Variants in KCNA1 observed in about 807,000 individuals in gnomAD.
KCNA1 encodes potassium voltage-gated channel subfamily A member 1.
KCNA1 carries 19 observed loss-of-function variants against 28.8 expected under a neutral mutation model. The ratio of observed to expected loss-of-function variants is 0.66; its 90% confidence interval spans 0.46 to 0.97. KCNA1 has a LOEUF of 0.97. Among genes scored for constraint, KCNA1 ranks in the 50% least tolerant of loss-of-function variants. The pLI is 0.00. For synonymous variants in KCNA1, 311 were observed against 268.8 expected, an observed-to-expected ratio of 1.16 and a Z score of -1.53; for missense variants, 419 against 659.7, an observed-to-expected ratio of 0.64 and a Z score of 4.00.
chr12:4,915,474 T>C lies in KCNA1; in HGVS notation c.*2608T>C, dbSNP rs983460565. On this transcript the variant is annotated 3_prime_UTR_variant, in exon 2 of 2. Coordinates refer to ENST00000382545, the MANE Select transcript of KCNA1 (RefSeq NM_000217.3). ...TAAAAGAAAGAACATGGATATCTTA[T>C]TTTCCTATGTGACTTTTGTGAATCT... is the stretch of plus-strand genomic sequence containing the variant. 6.0e-6 allele frequency: 1 copy of C among 167,096 alleles called. No homozygotes were observed. The highest frequency in any genetic ancestry group is 1.5e-5 in the Non-Finnish European group (1 of 68,128). 10.4% of individuals were successfully genotyped at this position (167,096 alleles called of 1,614,324 possible). A position where few individuals can be genotyped will look rare whatever the true frequency, so the allele number is the denominator to read the frequency against.
rs2137676349 is a variant in KCNA1 at position 4,915,104 on chromosome 12, G to T, written c.*2238G>T. On this transcript the variant is annotated 3_prime_UTR_variant, in exon 2 of 2. Transcript: ENST00000382545. ...GCCCCTATGATCTTCCCACCTGGCAGTCACTTCACAGGTTGAACATCTAAC... is the reference window on the plus strand; with the variant it reads ...GCCCCTATGATCTTCCCACCTGGCATTCACTTCACAGGTTGAACATCTAAC... 6.0e-6 allele frequency: 1 copy of T among 167,098 alleles called. No individual in the cohort carries two copies. Among genetic ancestry groups the T allele is most frequent in the East Asian group, 1.9e-4 (1 of 5,158 alleles). The allele number at this position is 167,098 out of a possible 1,614,324, so 10.4% of individuals were successfully genotyped here.
rs1457551133 is a variant in KCNA1 at position 4,915,020 on chromosome 12, T to C, written c.*2154T>C. The C allele has an allele frequency of 6.0e-6, 1 of 167,178 alleles. No individual in the cohort carries two copies. The highest frequency in any genetic ancestry group is 2.4e-5 in the African/African-American group (1 of 41,436). The allele number at this position is 167,178 out of a possible 1,614,324, so 10.4% of individuals were successfully genotyped here. A position where few individuals can be genotyped will look rare whatever the true frequency, so the allele number is the denominator to read the frequency against. ...TGTTGTGGATGTGGGAACACTCAGTTCATAATAACCTTTCCTAGGCCTTCC... is the reference window on the plus strand; with the variant it reads ...TGTTGTGGATGTGGGAACACTCAGTCCATAATAACCTTTCCTAGGCCTTCC... On this transcript the variant is annotated 3_prime_UTR_variant, in exon 2 of 2. Transcript: ENST00000382545.
At position 4,916,594 on chromosome 12, in the gene KCNA1, T is replaced by C. The variant is rs1477699046; in HGVS notation, c.*3728T>C. ...TCTGATTTTCAGTTATATCAGCTCA[T>C]TGGGAGTGTGTTCGTGGGTGAGCCT... On this transcript the variant is annotated 3_prime_UTR_variant, in exon 2 of 2. Transcript: ENST00000382545. The C allele has an allele frequency of 6.0e-6, 1 of 167,088 alleles. No homozygotes were observed. The highest frequency in any genetic ancestry group is 1.5e-5 in the Non-Finnish European group (1 of 68,106). 10.4% of individuals were successfully genotyped at this position (167,088 alleles called of 1,614,324 possible). A position where few individuals can be genotyped will look rare whatever the true frequency, so the allele number is the denominator to read the frequency against.
At position 4,911,814 on chromosome 12, in the gene KCNA1, GAGA is replaced by G; in HGVS notation, c.439_441del (p.Lys147del). ...CAAGGAGGAGGAGCGCCCTCTGCCCGAGAAGGAGTACCAGCGCCAGGTGTGGCT... is the reference window on the plus strand; with the variant it reads ...CAAGGAGGAGGAGCGCCCTCTGCCCGAGGAGTACCAGCGCCAGGTGTGGCT... On this transcript the variant is annotated inframe_deletion, in exon 2 of 2. Transcript: ENST00000382545. The surrounding 1 kb of genome is among the most constrained non-coding windows in gnomAD (Gnocchi z 6.6). 6.2e-7 allele frequency: 1 copy of G among 1,613,958 alleles called. No homozygotes were observed.
rs992453347 is a variant in KCNA1, at chr12:4,915,043, T to C, written c.*2177T>C. 3 of 167,146 alleles carry C rather than the reference T, an allele frequency of 1.8e-5. No individual in the cohort carries two copies. The highest frequency in any genetic ancestry group is 4.8e-5 in the African/African-American group (2 of 41,430). 10.4% of individuals were successfully genotyped at this position (167,146 alleles called of 1,614,324 possible). A position where few individuals can be genotyped will look rare whatever the true frequency, so the allele number is the denominator to read the frequency against. ...GTTCATAATAACCTTTCCTAGGCCT[T>C]CCCTCCTGGTCTACCCCTTTCAGAT... On this transcript the variant is annotated 3_prime_UTR_variant, in exon 2 of 2. Transcript: ENST00000382545.
At position 4,911,632 on chromosome 12, in the gene KCNA1, A is replaced by C. The variant is rs1386750335; in HGVS notation, c.254A>C (p.Asn85Thr). The change falls in exon 2 of 2, where the codon AAC becomes ACC. Residue 85 changes from asparagine to threonine, a missense_variant. Coordinates refer to ENST00000382545, the MANE Select transcript of KCNA1 (RefSeq NM_000217.3). This position sits in a 1 kb window ranked among gnomAD's most constrained non-coding sequence, Gnocchi z 6.6. ...PLRNEYFFDR[N>T]RPSFDAILYY... ...AGGAACGAGTACTTCTTCGACCGCA[A>C]CCGGCCCAGCTTCGACGCCATCCTC... 6.2e-7 allele frequency: 1 copy of C among 1,614,084 alleles called. No homozygotes were observed. The highest frequency in any genetic ancestry group is 8.5e-7 in the Non-Finnish European group (1 of 1,180,014).
rs894238941 is a variant in KCNA1, at chr12:4,912,540, G to A, written c.1162G>A (p.Val388Met). The A allele has an allele frequency of 6.2e-7, 1 of 1,613,646 alleles. No individual in the cohort carries two copies. The highest frequency in any genetic ancestry group is 8.5e-7 in the Non-Finnish European group (1 of 1,179,952). The change falls in exon 2 of 2, where the codon GTG (valine) becomes ATG (methionine). Residue 388 changes from valine (V) to methionine (M), a missense_variant. Transcript: ENST00000382545. Reference sequence around the variant, plus strand: ...CCCTGTGACAATTGGAGGCAAGATCGTGGGCTCCTTGTGTGCCATCGCTGG... The same window carrying A: ...CCCTGTGACAATTGGAGGCAAGATCATGGGCTCCTTGTGTGCCATCGCTGG... The part of the protein sequence containing the change: ...MYPVTIGGKI[V>M]GSLCAIAGVL...
rs1351192771 is a variant in KCNA1, at chr12:4,915,009, G to C, written c.*2143G>C. On this transcript the variant is annotated 3_prime_UTR_variant, in exon 2 of 2. Coordinates refer to ENST00000382545, the MANE Select transcript of KCNA1 (RefSeq NM_000217.3). Reference sequence around the variant, plus strand: ...TTTTCAGGCATTGTTGTGGATGTGGGAACACTCAGTTCATAATAACCTTTC... The same window carrying C: ...TTTTCAGGCATTGTTGTGGATGTGGCAACACTCAGTTCATAATAACCTTTC... The C allele has an allele frequency of 6.0e-6, 1 of 167,118 alleles. No individual in the cohort carries two copies. The highest frequency in any genetic ancestry group is 2.4e-5 in the African/African-American group (1 of 41,408). 10.4% of individuals were successfully genotyped at this position (167,118 alleles called of 1,614,324 possible). A position where few individuals can be genotyped will look rare whatever the true frequency, so the allele number is the denominator to read the frequency against.
chr12:4,912,141 A>T lies in KCNA1; in HGVS notation c.763A>T (p.Asn255Tyr). Reference protein sequence around the residue: ...SKTDFFKNIMNFIDIVAIIPY... With the variant: ...SKTDFFKNIMYFIDIVAIIPY... ...GACGGACTTCTTCAAAAACATCATG[A>T]ACTTCATAGACATTGTGGCCATCAT... is the stretch of plus-strand genomic sequence containing the variant. The change falls in exon 2 of 2, where the codon AAC (asparagine) becomes TAC (tyrosine). Residue 255 changes from asparagine to tyrosine, a missense_variant. Physicochemically the swap from Asn to Tyr is moderately radical, Grantham distance 143. This residue lies in a region of KCNA1 where 217 missense variants were observed against 329.6 expected (regional missense o/e 0.66). Coordinates refer to ENST00000382545, the MANE Select transcript of KCNA1 (RefSeq NM_000217.3). 1 of 1,613,744 alleles carries T rather than the reference A, an allele frequency of 6.2e-7. No homozygotes were observed. Among genetic ancestry groups the T allele is most frequent in the Non-Finnish European group, 8.5e-7 (1 of 1,179,940 alleles).
At position 4,918,168 on chromosome 12, in the gene KCNA1, T is replaced by G. The variant is rs1473590676; in HGVS notation, c.*5302T>G. The G allele has an allele frequency of 6.0e-6, 1 of 167,124 alleles. No individual in the cohort carries two copies. The highest frequency in any genetic ancestry group is 6.5e-5 in the Admixed American group (1 of 15,288). The allele number at this position is 167,124 out of a possible 1,614,324, so 10.4% of individuals were successfully genotyped here. A position where few individuals can be genotyped will look rare whatever the true frequency, so the allele number is the denominator to read the frequency against. On this transcript the variant is annotated 3_prime_UTR_variant, in exon 2 of 2. Transcript: ENST00000382545. ...ACCTAATTGATGCGCATAGTTTTCA[T>G]CTATGCAATTTTACTTGCTTCTGTC...
In KCNA1 at chr12:4,911,788, T is replaced by C. The variant is rs780062452; in HGVS notation, c.410T>C (p.Ile137Thr). The change falls in exon 2 of 2, where the codon ATC becomes ACC. Residue 137 changes from isoleucine to threonine, a missense_variant. Physicochemically the swap from Ile to Thr is moderately conservative, Grantham distance 89 (BLOSUM62 -1). Transcript: ENST00000382545. This position sits in a 1 kb window ranked among gnomAD's most constrained non-coding sequence, Gnocchi z 6.6. Reference protein sequence around the residue: ...MEKFREDEGFIKEEERPLPEK... With the variant: ...MEKFREDEGFTKEEERPLPEK... ...AAGTTCCGGGAGGACGAGGGCTTCA[T>C]CAAGGAGGAGGAGCGCCCTCTGCCC... 2 of 1,613,770 alleles carry C rather than the reference T, an allele frequency of 1.2e-6. No individual in the cohort carries two copies. The highest frequency in any genetic ancestry group is 1.7e-5 in the Admixed American group (1 of 59,976).
Position 4,913,028 on chromosome 12 carries a change from TGG to T in KCNA1, c.*166_*167del. On this transcript the variant is annotated 3_prime_UTR_variant, in exon 2 of 2. Transcript: ENST00000382545. Reference sequence around the variant, plus strand: ...CAATGCGTTGTTGCATTGAGGATTTTGGGGGTGGTGAACCAGAAGCTTTCAAG... The same window carrying T: ...CAATGCGTTGTTGCATTGAGGATTTTGGGTGGTGAACCAGAAGCTTTCAAG... 1 of 661,108 alleles carries T rather than the reference TGG, an allele frequency of 1.5e-6. No homozygotes were observed. Among genetic ancestry groups the T allele is most frequent in the Non-Finnish European group, 2.7e-6 (1 of 364,718 alleles). The allele number at this position is 661,108 out of a possible 1,614,324, so 41.0% of individuals were successfully genotyped here.
In KCNA1 at chr12:4,912,788, G is replaced by A; in HGVS notation, c.1410G>A (p.Gln470=). The A allele has an allele frequency of 1.2e-6, 2 of 1,614,006 alleles. No individual in the cohort carries two copies. Among genetic ancestry groups the A allele is most frequent in the South Asian group, 1.1e-5 (1 of 91,060 alleles). The change falls in exon 2 of 2, where the codon CAG becomes CAA. Residue 470 remains glutamine (Q), a synonymous_variant. Coordinates refer to ENST00000382545, the MANE Select transcript of KCNA1 (RefSeq NM_000217.3). ...ATAATAGCATAGCCCATTATAGACA[G>A]GTCAATATCAGAACTGCCAATTGCA... ...DMNNSIAHYR[Q]VNIRTANCTT... is the part of the protein sequence containing the mutation.
Position 4,912,385 on chromosome 12 carries a change from G to C in KCNA1, c.1007G>C (p.Gly336Ala). The change falls in exon 2 of 2, where the codon GGG (glycine) becomes GCG (alanine). Residue 336 changes from glycine (G) to alanine (A), a missense_variant. By Grantham distance (60) the Gly-to-Ala change is moderately conservative. Transcript: ENST00000382545. ...LGLLIFFLFI[G>A]VILFSSAVYF... ...CTGCTCATCTTTTTCCTCTTCATCG[G>C]GGTCATCCTGTTTTCTAGTGCAGTG... 1 of 1,613,842 alleles carries C rather than the reference G, an allele frequency of 6.2e-7. No homozygotes were observed. Among genetic ancestry groups the C allele is most frequent in the Non-Finnish European group, 8.5e-7 (1 of 1,179,998 alleles).
chr12:4,917,556 A>C lies in KCNA1; in HGVS notation c.*4690A>C, dbSNP rs1204810274. On this transcript the variant is annotated 3_prime_UTR_variant, in exon 2 of 2. Coordinates refer to ENST00000382545, the MANE Select transcript of KCNA1 (RefSeq NM_000217.3). The stretch of plus-strand genomic sequence containing the variant: ...AAAATGACCCTGGGCTTTCTTGGGA[A>C]GTCCAGCATGTATGTAAGGGGTGAG... The C allele has an allele frequency of 6.0e-6, 1 of 167,092 alleles. No homozygotes were observed. The highest frequency in any genetic ancestry group is 1.5e-5 in the Non-Finnish European group (1 of 68,134). The allele number at this position is 167,092 out of a possible 1,614,324, so 10.4% of individuals were successfully genotyped here. A position where few individuals can be genotyped will look rare whatever the true frequency, so the allele number is the denominator to read the frequency against.
In KCNA1 at chr12:4,912,401, T is replaced by C. The variant is rs1947357923; in HGVS notation, c.1023T>C (p.Ser341=). The C allele has an allele frequency of 1.9e-6, 3 of 1,613,948 alleles. No individual in the cohort carries two copies. Among genetic ancestry groups the C allele is most frequent in the Non-Finnish European group, 2.5e-6 (3 of 1,180,016 alleles). The change falls in exon 2 of 2, where the codon TCT becomes TCC. Residue 341 remains serine, a synonymous_variant. Transcript: ENST00000382545. ...TCTTCATCGGGGTCATCCTGTTTTC[T>C]AGTGCAGTGTACTTTGCCGAGGCGG... ...FFLFIGVILF[S]SAVYFAEAEE... is the part of the protein sequence containing the mutation.
At position 4,913,574 on chromosome 12, in the gene KCNA1, A is replaced by G. The variant is rs1452871723; in HGVS notation, c.*708A>G. The G allele has an allele frequency of 1.8e-5, 3 of 167,392 alleles. No homozygotes were observed. Among genetic ancestry groups the G allele is most frequent in the African/African-American group, 7.2e-5 (3 of 41,466 alleles). 10.4% of individuals were successfully genotyped at this position (167,392 alleles called of 1,614,324 possible). A position where few individuals can be genotyped will look rare whatever the true frequency, so the allele number is the denominator to read the frequency against. On this transcript the variant is annotated 3_prime_UTR_variant, in exon 2 of 2. Coordinates refer to ENST00000382545, the MANE Select transcript of KCNA1 (RefSeq NM_000217.3). Reference sequence around the variant, plus strand: ...AAAGTTAACTGAATTAAATTAATTGATTCTTCTGCAGTGCCGCTAAATGGT... The same window carrying G: ...AAAGTTAACTGAATTAAATTAATTGGTTCTTCTGCAGTGCCGCTAAATGGT...
Position 4,912,898 on chromosome 12 carries a change from C to T in KCNA1, c.*32C>T. The stretch of plus-strand genomic sequence containing the variant: ...AAGGCAAGCAAACAAAAAAGCCCCA[C>T]TTAGCAGCTCAAAAGACTTAAAAAA... On this transcript the variant is annotated 3_prime_UTR_variant, in exon 2 of 2. Transcript: ENST00000382545. The T allele has an allele frequency of 2.0e-6, 3 of 1,465,524 alleles. No homozygotes were observed. In the South Asian group the frequency reaches 3.4e-5, roughly 17 times the overall value. 90.8% of individuals were successfully genotyped at this position (1,465,524 alleles called of 1,614,324 possible). A position where few individuals can be genotyped will look rare whatever the true frequency, so the allele number is the denominator to read the frequency against.
At position 4,909,932 on chromosome 12, in the gene KCNA1, G is replaced by C. The variant is rs965279888; in HGVS notation, c.-1080G>C. ...AAATGGACCGAGCGGACCCGCCGCC[G>C]CACGCACCCTGCTCCACTCCAAGCT... On this transcript the variant is annotated 5_prime_UTR_variant, in exon 1 of 2. Coordinates refer to ENST00000382545, the MANE Select transcript of KCNA1 (RefSeq NM_000217.3). The C allele has an allele frequency of 6.6e-6, 1 of 152,654 alleles. No individual in the cohort carries two copies. The highest frequency in any genetic ancestry group is 1.5e-5 in the Non-Finnish European group (1 of 68,158). 9.5% of individuals were successfully genotyped at this position (152,654 alleles called of 1,614,324 possible). A position where few individuals can be genotyped will look rare whatever the true frequency, so the allele number is the denominator to read the frequency against.
Sources: gnomAD v4.1 joint callset for allele counts on GRCh38, gnomAD v4.1.1 for gene constraint, gnomAD v4.1.1 regional missense constraint, Gnocchi (gnomAD v3.1) non-coding constraint, MANE v1.5 for transcripts, NCBI Gene and HGNC (gene_info 2026-07-23, HGNC 2026-07-21) for gene names.